GPM6B: variants seen among roughly 807,000 people sequenced by gnomAD.
GPM6B encodes glycoprotein M6B, also known as neuronal membrane glycoprotein M6-b.
Under a neutral mutation model 27.2 loss-of-function variants are expected in GPM6B, and 4 were observed. The observed-to-expected ratio is 0.15, with a 90% CI of 0.07 to 0.34. The LOEUF (loss-of-function observed/expected upper bound fraction) is 0.34, where lower values mean the gene tolerates loss of function less well. Among genes scored for constraint, GPM6B ranks in the 10% least tolerant of loss-of-function variants. The probability of loss-of-function intolerance (pLI) is 1.00; values close to 1 mark genes in which losing one functional copy is unlikely to be tolerated. For missense variants in GPM6B, 183 were observed against 261.9 expected (o/e 0.70, Z 2.08); for synonymous variants, 124 against 103.1 (o/e 1.20, Z -1.23).
intron 1 of GPM6B, among the ~76,000 whole-genome samples, chrX:13,830,761 G>C (rs969578644): frequency 1.9e-4 from 21 of 112,114 alleles, no homozygotes; most frequent in Non-Finnish European, 1.1e-4. Flanking sequence ...AAAATGTCTT[G>C]ACAAATCGAG....
In GPM6B at chrX:13,791,218, CTT is replaced by C. The variant is rs970023110; in HGVS notation, c.182-5412_182-5411del. Among the ~76,000 whole-genome samples the C allele has an allele frequency of 3.0e-5, 3 of 100,540 alleles. No individual in the cohort carries two copies. In the Admixed American group the frequency reaches 3.2e-4, roughly 11 times the overall value. The allele number at this position is 100,540 out of a possible 115,157, so 87.3% of individuals were successfully genotyped here. A position where few individuals can be genotyped will look rare whatever the true frequency, so the allele number is the denominator to read the frequency against. Reference sequence around the variant, plus strand: ...AATCAATGCCAGGTTTTTTTTTTTTCTTTCTTTCCTGAGAAAGAGTCTCACTC... The same window carrying C: ...AATCAATGCCAGGTTTTTTTTTTTTCTCTTTCCTGAGAAAGAGTCTCACTC... On this transcript the variant is annotated intron_variant, in intron 2 of 7. Transcript: ENST00000316715.
intron 1 of GPM6B, among the ~76,000 whole-genome samples, chrX:13,809,744 C>T (rs1246075917): frequency 9.0e-6 from 1 of 110,939 alleles, no homozygotes; most frequent in Non-Finnish European, 1.9e-5. Flanking sequence ...TGATACCAGC[C>T]TGGCCAACAT....
intron 1 of GPM6B, among the ~76,000 whole-genome samples, chrX:13,866,398 C>T (rs1462276105): frequency 1.8e-5 from 2 of 112,087 alleles, no homozygotes; most frequent in African/African-American, 6.5e-5. Context: ...ATGGGTACAA[C>T]ATCACCAGTT....
chrX:13,854,530 C>A (rs2049758092), intron 1 of GPM6B, among the ~76,000 whole-genome samples: 2 of 112,245 alleles, frequency 1.8e-5, no homozygotes, highest in Admixed American at 1.9e-4. Context: ...ATTACCTCCA[C>A]CTGTGCTTTT....
At chrX:13,820,539 C>T (rs2049296492), upstream of GPM6B, among the ~76,000 whole-genome samples, 2 of 111,030 alleles carry the variant, frequency 1.8e-5, no homozygotes, top group Non-Finnish European at 3.8e-5. Context: ...CGGGAGTCTT[C>T]AGTGTGGAGG....
chrX:13,856,449 C>T (rs768535726), intron 1 of GPM6B, among the ~76,000 whole-genome samples: 25 of 112,002 alleles, frequency 2.2e-4, no homozygotes, highest in Admixed American at 7.6e-4. Context: ...TCAGACCCCC[C>T]TGAATCAGAA....
At chrX:13,900,989 C>G (rs2050277193) in intron 1 of GPM6B, among the ~76,000 whole-genome samples, 1 of 111,817 alleles carries the variant, frequency 8.9e-6, no homozygotes, top group South Asian at 3.8e-4. Flanking sequence ...TATGCAAACC[C>G]CTGTATGACT....
At chrX:13,823,264 T>C (rs2049332017) in intron 1 of GPM6B, among the ~76,000 whole-genome samples, 1 of 112,223 alleles carries the variant, frequency 8.9e-6, no homozygotes, top group African/African-American at 3.2e-5. Flanking sequence ...TCATTGCTAG[T>C]GTTTCTCTTT....
chrX:13,893,675 T>C (rs1405615922), intron 1 of GPM6B, among the ~76,000 whole-genome samples: 1 of 112,265 alleles, frequency 8.9e-6, no homozygotes, highest in African/African-American at 3.2e-5. Flanking sequence ...GGATAGCCCA[T>C]GGTTTTTAAT....
chrX:13,779,793 G>A, intron 5 of GPM6B, 25 bp downstream of exon 5: 5 of 1,129,064 alleles, frequency 4.4e-6, no homozygotes, highest in Non-Finnish European at 6.0e-6. Context: ...AATAACTGGG[G>A]GAGGGGTGAA....
intron 1 of GPM6B, among the ~76,000 whole-genome samples, chrX:13,843,661 T>C (rs1358465626): frequency 8.9e-6 from 1 of 112,633 alleles, no homozygotes; most frequent in African/African-American, 3.2e-5. Flanking sequence ...TATCTCATTG[T>C]GGTTTCAATT....
intron 1 of GPM6B, among the ~76,000 whole-genome samples, chrX:13,869,554 T>C (rs2049953618): frequency 9.0e-6 from 1 of 111,401 alleles, no homozygotes; most frequent in South Asian, 3.8e-4. Flanking sequence ...CATCAACTTG[T>C]AATCTATGAT....
At chrX:13,804,724 A>G (rs756075964) in intron 2 of GPM6B, among the ~76,000 whole-genome samples, 1 of 109,130 alleles carries the variant, frequency 9.2e-6, no homozygotes, top group Admixed American at 9.8e-5. Flanking sequence ...TCCTTTGGCA[A>G]AAATTTCCTG....
chrX:13,817,138 A>ACGTCAC, upstream of GPM6B: 2 of 944,039 alleles, frequency 2.1e-6, no homozygotes, highest in Non-Finnish European at 2.6e-6. Context: ...AGGCAGCCAT[A>ACGTCAC]CGTCACCGAG....
At chrX:13,800,845 AT>A (rs1322401863) in intron 2 of GPM6B, among the ~76,000 whole-genome samples, 1 of 109,760 alleles carries the variant, frequency 9.1e-6, no homozygotes, top group Non-Finnish European at 1.9e-5. Context: ...TGGGAATCTG[AT>A]TTTTCTTTTT....
chrX:13,821,267 G>A (rs1348516508), upstream of GPM6B, among the ~76,000 whole-genome samples: 1 of 112,182 alleles, frequency 8.9e-6, no homozygotes, highest in Non-Finnish European at 1.9e-5. Context: ...TCATACATAG[G>A]GCTTTGGCTG....
rs12846459 is a variant in GPM6B at position 13,823,489 on chromosome X, C to T, written c.-197-37681G>A. ...CCAACTTGAGTTGTAATGACCCTTTCTCTCCTGACAAAAACATTCCACTGA... is the reference window on the plus strand; with the variant it reads ...CCAACTTGAGTTGTAATGACCCTTTTTCTCCTGACAAAAACATTCCACTGA... On this transcript the variant is annotated intron_variant, in intron 1 of 6. Transcript: ENST00000398361. Among the ~76,000 whole-genome samples the T allele has an allele frequency of 8.0e-3, 873 of 108,781 alleles. 8 individuals carry two copies. Among genetic ancestry groups the T allele is most frequent in the African/African-American group, 0.028 (831 of 29,891 alleles). The allele number at this position is 108,781 out of a possible 115,157, so 94.5% of individuals were successfully genotyped here.
intron 1 of GPM6B, among the ~76,000 whole-genome samples, chrX:13,888,307 A>G (rs2050156853): frequency 8.9e-6 from 1 of 112,283 alleles, no homozygotes; most frequent in Non-Finnish European, 1.9e-5. Flanking sequence ...AAACTCTGGA[A>G]GGGAAAATTA....
At chrX:13,865,364 A>C (rs2049897530) in intron 1 of GPM6B, among the ~76,000 whole-genome samples, 1 of 107,775 alleles carries the variant, frequency 9.3e-6, no homozygotes, top group Admixed American at 1.0e-4. Context: ...AGTTCATGAC[A>C]TTGTGATAAA....
Sources: allele counts gnomAD v4.1 joint callset (sites outside exome capture counted in the v4.1 genomes callset), GRCh38; gene constraint gnomAD v4.1.1; transcripts MANE v1.5; gene names NCBI Gene and HGNC (gene_info 2026-07-23, HGNC 2026-07-21).